The following PCDHA9 variants were observed in gnomAD, a reference collection of about 807,000 sequenced individuals.
PCDHA9 encodes the protein protocadherin alpha 9, also known as protocadherin alpha-9.
Under a neutral mutation model 62.0 loss-of-function variants are expected in PCDHA9, and 62 were observed. The ratio of observed to expected loss-of-function variants is 1.00; its 90% confidence interval spans 0.81 to 1.23. The LOEUF (loss-of-function observed/expected upper bound fraction) is 1.23, where lower values mean the gene tolerates loss of function less well. PCDHA9 is among the 50% of genes most tolerant of loss of function. The probability of loss-of-function intolerance (pLI) is 0.00; values close to 1 mark genes in which losing one functional copy is unlikely to be tolerated. For missense variants in PCDHA9, 1,205 were observed against 1,249.8 expected (o/e 0.96, Z 0.54); for synonymous variants, 557 against 567.6 (o/e 0.98, Z 0.27).
intron 1 of PCDHA9, among the ~76,000 whole-genome samples, chr5:140,902,203 C>CTTTTT (rs148688132): frequency 5.6e-5 from 7 of 124,458 alleles, no homozygotes; most frequent in South Asian, 2.5e-4. Context: ...CTCTCTCTTT[C>CTTTTT]TTTTTTTTTT....
intron 1 of PCDHA9, chr5:140,928,682 C>T (rs782513735): frequency 6.2e-7 from 1 of 1,614,174 alleles, no homozygotes; most frequent in Non-Finnish European, 8.5e-7. Flanking sequence ...GCCTGGCTTT[C>T]CTACCACATC....
At chr5:140,876,768 G>A (rs2056572417) in intron 1 of PCDHA9, 3 of 1,614,212 alleles carry the variant, frequency 1.9e-6, no homozygotes, top group Non-Finnish European at 2.5e-6. Flanking sequence ...ATGGGGGCTC[G>A]CCTTCGCTGT....
chr5:140,970,405 C>T (rs1361647284), intron 1 of PCDHA9, among the ~76,000 whole-genome samples: 1 of 152,120 alleles, frequency 6.6e-6, no homozygotes, highest in Non-Finnish European at 1.5e-5. Flanking sequence ...GATGGCTTAC[C>T]CTACAGTAAG....
chr5:140,865,598 C>A (rs542387225), intron 1 of PCDHA9: 1 of 152,240 alleles, frequency 6.6e-6, no homozygotes, highest in African/African-American at 2.4e-5. Flanking sequence ...ATTGTTTGAG[C>A]AGTTTATTAA....
chr5:140,950,685 A>T (rs947460709), intron 1 of PCDHA9, among the ~76,000 whole-genome samples: 3 of 152,082 alleles, frequency 2.0e-5, no homozygotes, highest in Non-Finnish European at 4.4e-5. Context: ...GTATATTGTT[A>T]ACCAAATTTG....
intron 1 of PCDHA9, among the ~76,000 whole-genome samples, chr5:140,978,477 G>A (rs1362771671): frequency 6.6e-6 from 1 of 152,342 alleles, no homozygotes; most frequent in African/African-American, 2.4e-5. Context: ...ATATGCTGCA[G>A]TCTGCAAAGC....
At chr5:140,968,273 G>A in intron 1 of PCDHA9, 1 of 1,614,080 alleles carries the variant, frequency 6.2e-7, no homozygotes, top group African/African-American at 1.3e-5. Context: ...GGAGAATGCA[G>A]AGGTGACCTA....
intron 1 of PCDHA9, chr5:140,969,073 G>A (rs781937942): frequency 1.4e-5 from 23 of 1,613,974 alleles, no homozygotes; most frequent in South Asian, 5.5e-5. Context: ...CCAGGATACC[G>A]CATGGCCTCA....
At chr5:140,877,274 C>G (rs781933102) in intron 1 of PCDHA9, 1 of 1,613,856 alleles carries the variant, frequency 6.2e-7, no homozygotes, top group South Asian at 1.1e-5. Context: ...GACGCTGACT[C>G]CGGCTATAAC....
intron 1 of PCDHA9, among the ~76,000 whole-genome samples, chr5:140,878,476 A>T (rs1037108551): frequency 3.2e-4 from 49 of 152,322 alleles, no homozygotes; most frequent in African/African-American, 1.1e-3. Flanking sequence ...TCATTTCTCA[A>T]TTTAAAAATA....
intron 1 of PCDHA9, chr5:140,861,278 C>T (rs572060208): frequency 5.3e-4 from 99 of 185,718 alleles, no homozygotes; most frequent in African/African-American, 2.3e-3. Flanking sequence ...GCACTGGCTT[C>T]TGCTCCTTGA....
chr5:140,894,446 T>A (rs981858089), intron 1 of PCDHA9, among the ~76,000 whole-genome samples: 18 of 152,000 alleles, frequency 1.2e-4, no homozygotes, highest in African/African-American at 3.4e-4. Context: ...AGCTCTTTTT[T>A]AAAAAATATT....
At chr5:140,892,504 G>A (rs2063551551) in intron 1 of PCDHA9, among the ~76,000 whole-genome samples, 1 of 152,176 alleles carries the variant, frequency 6.6e-6, no homozygotes, top group Non-Finnish European at 1.5e-5. Context: ...TGTTTAAGAA[G>A]TTCCACCATG....
chr5:140,869,247 C>T (rs1186478553), intron 1 of PCDHA9: 8 of 1,613,526 alleles, frequency 5.0e-6, no homozygotes, highest in Middle Eastern at 1.7e-4. Flanking sequence ...TGGGCCGCAT[C>T]GCGCAGGACC....
At chr5:140,862,509 T>C in intron 1 of PCDHA9, 1 of 405,718 alleles carries the variant, frequency 2.5e-6, no homozygotes, top group Non-Finnish European at 5.0e-6. Context: ...GGGGACTCGC[T>C]TTCATTGTTG....
At chr5:140,911,051 G>C (rs566300992) in intron 1 of PCDHA9, among the ~76,000 whole-genome samples, 1 of 152,100 alleles carries the variant, frequency 6.6e-6, no homozygotes, top group East Asian at 1.9e-4. Flanking sequence ...CAGGGGTGGT[G>C]GGGGGTGGGT....
intron 1 of PCDHA9, chr5:140,882,620 C>T: frequency 6.2e-7 from 1 of 1,614,220 alleles, no homozygotes; most frequent in Non-Finnish European, 8.5e-7. Flanking sequence ...GCAGGTTTTC[C>T]ATGTGGAGGT....
chr5:140,994,954 T>C (rs2097657181), intron 3 of PCDHA9, among the ~76,000 whole-genome samples: 1 of 152,230 alleles, frequency 6.6e-6, no homozygotes, highest in Non-Finnish European at 1.5e-5. Flanking sequence ...AAATAATTTG[T>C]AGTTTCATTT....
At chr5:140,881,361 C>A (rs990387338) in intron 1 of PCDHA9, 6 of 985,126 alleles carry the variant, frequency 6.1e-6, no homozygotes, top group Non-Finnish European at 7.2e-6. Context: ...GCGTGGCTTT[C>A]GTATGAATTG....
Sources: gnomAD v4.1 joint callset for allele counts (sites outside exome capture counted in the v4.1 genomes callset) on GRCh38, gnomAD v4.1.1 for gene constraint, MANE v1.5 for transcripts, NCBI Gene and HGNC (gene_info 2026-07-23, HGNC 2026-07-21) for gene names.